Variants in CSMD3 observed in about 807,000 individuals in gnomAD.
CSMD3 encodes the protein CUB and sushi domain-containing protein 3.
A neutral mutation model predicts 435.2 loss-of-function variants in CSMD3; 177 were observed. The observed-to-expected ratio is 0.41, with a 90% CI of 0.36 to 0.46. The LOEUF (loss-of-function observed/expected upper bound fraction) is 0.46, where lower values mean the gene tolerates loss of function less well. Among genes scored for constraint, CSMD3 ranks in the 20% least tolerant of loss-of-function variants. The pLI is 0.34. For missense variants in CSMD3, 4,265 were observed against 4,504.6 expected (o/e 0.95, Z 1.52); for synonymous variants, 1,656 against 1,520.5 (o/e 1.09, Z -2.07).
At chr8:112,459,769 G>A (rs1033209964) in intron 32 of CSMD3, among the ~76,000 whole-genome samples, 5 of 152,064 alleles carry the variant, frequency 3.3e-5, no homozygotes, top group African/African-American at 9.7e-5. Context: ...TTCATAATCT[G>A]GTCTCTGCCT....
Position 112,917,457 on chromosome 8 carries a change from G to T in CSMD3, c.1633+4170C>A, listed in dbSNP as rs183947103. On this transcript the variant is annotated intron_variant, in intron 10 of 70. Transcript: ENST00000297405. The stretch of plus-strand genomic sequence containing the variant: ...CTAGACATATATGAATATCTAGGTG[G>T]CAATTCTGTTTATTATTGAGACATT... Among the ~76,000 whole-genome samples, 36 of 151,886 alleles carry T rather than the reference G, an allele frequency of 2.4e-4. 1 individual carries two copies. Among genetic ancestry groups the T allele is most frequent in the Non-Finnish European group, 4.1e-4 (28 of 67,890 alleles).
chr8:112,815,595 C>T (rs1330552785), intron 12 of CSMD3, among the ~76,000 whole-genome samples: 3 of 152,056 alleles, frequency 2.0e-5, no homozygotes, highest in Non-Finnish European at 4.4e-5. Context: ...TCTACAGCCA[C>T]CTTTGAAATG....
intron 2 of CSMD3, among the ~76,000 whole-genome samples, chr8:113,297,511 C>T (rs940494788): frequency 6.6e-6 from 1 of 151,898 alleles, no homozygotes; most frequent in Non-Finnish European, 1.5e-5. Flanking sequence ...ATTAATCATA[C>T]CAAGAAAACA....
chr8:113,062,816 T>C (rs2088673718), intron 5 of CSMD3, among the ~76,000 whole-genome samples: 1 of 151,872 alleles, frequency 6.6e-6, no homozygotes, highest in African/African-American at 2.4e-5. Context: ...TAATAGTATG[T>C]ATGGTATAAC....
At chr8:112,260,916 TC>T (rs1246896705) in intron 61 of CSMD3, among the ~76,000 whole-genome samples, 1 of 152,116 alleles carries the variant, frequency 6.6e-6, no homozygotes, top group Non-Finnish European at 1.5e-5. Flanking sequence ...ACTCAATATA[TC>T]TATGGAATAA....
chr8:112,414,255 CCA>C (rs1811669057), intron 32 of CSMD3, among the ~76,000 whole-genome samples: 1 of 152,038 alleles, frequency 6.6e-6, no homozygotes, highest in Non-Finnish European at 1.5e-5. Context: ...AATTGTAATC[CCA>C]ATAATCCCTA....
chr8:112,670,313 A>G (rs1353570464), intron 16 of CSMD3, among the ~76,000 whole-genome samples: 1 of 152,196 alleles, frequency 6.6e-6, no homozygotes, highest in East Asian at 1.9e-4. Context: ...AAGTGATGAG[A>G]GAAAATTAGA....
intron 16 of CSMD3, among the ~76,000 whole-genome samples, chr8:112,672,571 T>A (rs2075683335): frequency 6.6e-6 from 1 of 152,052 alleles, no homozygotes; most frequent in Non-Finnish European, 1.5e-5. Context: ...TTAAGGGATG[T>A]GGGTGTTCTG....
intron 31 of CSMD3, among the ~76,000 whole-genome samples, chr8:112,484,591 A>C (rs1349730228): frequency 6.6e-6 from 1 of 152,002 alleles, no homozygotes; most frequent in African/African-American, 2.4e-5. Flanking sequence ...TGTAGACTAC[A>C]TGGTAGTTGA....
chr8:112,895,208 T>C (rs1023534779), intron 10 of CSMD3, among the ~76,000 whole-genome samples: 3 of 151,306 alleles, frequency 2.0e-5, no homozygotes, highest in African/African-American at 7.3e-5. Flanking sequence ...AGCAAACAAA[T>C]GGTATATAAG....
At chr8:113,308,256 G>GTTT (rs1482490822) in intron 2 of CSMD3, among the ~76,000 whole-genome samples, 7 of 74,422 alleles carry the variant, frequency 9.4e-5, no homozygotes, top group South Asian at 5.5e-4. Flanking sequence ...AATCATTTAA[G>GTTT]TCTTTTTTTT....
intron 13 of CSMD3, among the ~76,000 whole-genome samples, chr8:112,747,750 C>T (rs1319475014): frequency 6.6e-6 from 1 of 151,724 alleles, no homozygotes; most frequent in East Asian, 2.0e-4. Context: ...CCGAGGCAGG[C>T]GGATCACGAG....
At chr8:112,607,762 T>G (rs1327154431) in intron 22 of CSMD3, among the ~76,000 whole-genome samples, 1 of 152,104 alleles carries the variant, frequency 6.6e-6, no homozygotes, top group Non-Finnish European at 1.5e-5. Flanking sequence ...TCAATATCCT[T>G]TCATGATAAA....
chr8:112,245,672 G>C (rs1306963526), intron 64 of CSMD3, among the ~76,000 whole-genome samples: 1 of 151,944 alleles, frequency 6.6e-6, no homozygotes, highest in Admixed American at 6.6e-5. Context: ...TGAGGAGCTG[G>C]GACTACAGGC....
chr8:113,417,273 A>T (rs558221690), intron 1 of CSMD3, among the ~76,000 whole-genome samples: 1 of 152,148 alleles, frequency 6.6e-6, no homozygotes, highest in South Asian at 2.1e-4. Context: ...TATTGCAACC[A>T]GGAAGGAACA....
chr8:112,314,620 G>T lies in CSMD3; in HGVS notation c.7361-3C>A. The T allele has an allele frequency of 6.2e-7, 1 of 1,607,414 alleles. No homozygotes were observed. Among genetic ancestry groups the T allele is most frequent in the Non-Finnish European group, 8.5e-7 (1 of 1,174,290 alleles). On this transcript the variant is annotated splice_region_variant and splice_polypyrimidine_tract_variant and intron_variant, in intron 47 of 70. Coordinates refer to ENST00000297405, the MANE Select transcript of CSMD3 (RefSeq NM_198123.2). ...TAATTCATTGGCAGGACAGAGCACT[G>T]TCAAAGAAAAATGTCATTAAATAAT...
chr8:112,901,526 C>T (rs907354660), intron 10 of CSMD3, among the ~76,000 whole-genome samples: 10 of 151,360 alleles, frequency 6.6e-5, no homozygotes, highest in Middle Eastern at 3.4e-3. Flanking sequence ...TCTTGAAATC[C>T]GCCATTGTAC....
At chr8:113,267,047 T>A (rs2093477391) in intron 3 of CSMD3, among the ~76,000 whole-genome samples, 1 of 151,528 alleles carries the variant, frequency 6.6e-6, no homozygotes, top group African/African-American at 2.4e-5. Flanking sequence ...AAAATTCCAA[T>A]GAGATATCAC....
At chr8:112,272,420 G>T (rs1254391412) in intron 59 of CSMD3, among the ~76,000 whole-genome samples, 1 of 151,856 alleles carries the variant, frequency 6.6e-6, no homozygotes, top group East Asian at 1.9e-4. Context: ...TATATAGTCT[G>T]GGCATATAGT....
Sources: gnomAD v4.1 joint callset for allele counts (sites outside exome capture counted in the v4.1 genomes callset) on GRCh38, gnomAD v4.1.1 for gene constraint, MANE v1.5 for transcripts, NCBI Gene and HGNC (gene_info 2026-07-23, HGNC 2026-07-21) for gene names.